The following SNAPC4 variants were observed in gnomAD, a reference collection of about 807,000 sequenced individuals.
SNAPC4 encodes the protein snRNA-activating protein complex subunit 4.
In SNAPC4, 127 loss-of-function variants were observed where a neutral mutation model predicts 151.3. That is an observed-to-expected ratio of 0.84 (90% CI 0.73 to 0.97). The LOEUF (loss-of-function observed/expected upper bound fraction) is 0.97, where lower values mean the gene tolerates loss of function less well. Ranked by LOEUF, SNAPC4 falls within the 50% of genes least tolerant of loss-of-function variation. The probability of loss-of-function intolerance (pLI) is 0.00; values close to 1 mark genes in which losing one functional copy is unlikely to be tolerated. For synonymous variants in SNAPC4, 1,002 were observed against 824.4 expected (o/e 1.22, Z -3.69); for missense variants, 2,186 against 1,935.0 (o/e 1.13, Z -2.43).
At chr9:136,391,781 G>A (rs1834082578) in intron 10 of SNAPC4, among the ~76,000 whole-genome samples, 161 bp downstream of exon 10, 1 of 152,226 alleles carries the variant, frequency 6.6e-6, no homozygotes, top group Non-Finnish European at 1.5e-5. Context: ...AGAGAGGGCT[G>A]GGCAGGCTCC....
At chr9:136,376,154 T>C (rs35670379) in intron 23 of SNAPC4, among the ~76,000 whole-genome samples, 195 bp downstream of exon 23, 65,614 of 152,052 alleles carry the variant, frequency 0.43, 14,324 homozygotes, top group Admixed American at 0.52. Context: ...GCCCGAGGCA[T>C]GGGTGGCCAG....
At chr9:136,377,224 G>A (rs936836005) in intron 22 of SNAPC4, among the ~76,000 whole-genome samples, 14 of 152,320 alleles carry the variant, frequency 9.2e-5, no homozygotes, top group African/African-American at 3.1e-4. Flanking sequence ...GCGGCTCAGA[G>A]CCGGGTCAGC....
At position 136,380,821 on chromosome 9, in the gene SNAPC4, C is replaced by T. The variant is rs772544275; in HGVS notation, c.2418G>A (p.Leu806=). The change falls in exon 20 of 24, where the codon TTG becomes TTA. Residue 806 remains leucine, a synonymous_variant. Transcript: ENST00000684778. ...GGGCCTTCCTCTCTCGGACGACCTC[C>T]AAGCAGCCGGCAGTATCGATGTGGA... ...QLFHIDTAGC[L]EVVRERKALP... is the part of the protein sequence containing the mutation. The T allele has an allele frequency of 5.0e-6, 8 of 1,611,152 alleles. No homozygotes were observed. Among genetic ancestry groups the T allele is most frequent in the African/African-American group, 1.3e-5 (1 of 74,900 alleles).
Position 136,377,532 on chromosome 9 carries a change from G to T in SNAPC4, c.4284+11C>A. 1 of 1,501,760 alleles carries T rather than the reference G, an allele frequency of 6.7e-7. No individual in the cohort carries two copies. Among genetic ancestry groups the T allele is most frequent in the Non-Finnish European group, 8.9e-7 (1 of 1,124,880 alleles). 93.0% of individuals were successfully genotyped at this position (1,501,760 alleles called of 1,614,324 possible). ...CTGCCATGGGGAAGTGGGGCTGGGCGCCCACCCTACCTGAATGGGGCATGT... is the reference window on the plus strand; with the variant it reads ...CTGCCATGGGGAAGTGGGGCTGGGCTCCCACCCTACCTGAATGGGGCATGT... On this transcript the variant is annotated intron_variant, in intron 22 of 23. Transcript: ENST00000684778.
intron 14 of SNAPC4, among the ~76,000 whole-genome samples, chr9:136,384,351 T>C (rs1239650673): frequency 1.3e-5 from 2 of 152,166 alleles, no homozygotes; most frequent in South Asian, 2.1e-4. Context: ...CTCTTCACAG[T>C]GTGGGGCAGC....
chr9:136,381,102 T>C (rs1234084404), intron 19 of SNAPC4, among the ~76,000 whole-genome samples: 1 of 152,144 alleles, frequency 6.6e-6, no homozygotes, highest in African/African-American at 2.4e-5. Flanking sequence ...GGGGACCCCC[T>C]TCCCCGGACA....
At position 136,381,942 on chromosome 9, in the gene SNAPC4, G is replaced by T; in HGVS notation, c.2199C>A (p.His733Gln). Reference protein sequence around the residue: ...ATQSGQRRWRHALHRRLLNRR... With the variant: ...ATQSGQRRWRQALHRRLLNRR... ...GGTTCAGGAGCCTCCGGTGCAGAGCGTGTCTCCAGCGCCGCTGCCCACTCT... is the reference window on the plus strand; with the variant it reads ...GGTTCAGGAGCCTCCGGTGCAGAGCTTGTCTCCAGCGCCGCTGCCCACTCT... The change falls in exon 18 of 24, where the codon CAC (histidine) becomes CAA (glutamine). Residue 733 changes from histidine (H) to glutamine (Q), a missense_variant. Physicochemically the swap from His to Gln is conservative, Grantham distance 24 (BLOSUM62 0). Transcript: ENST00000684778. The T allele has an allele frequency of 1.2e-6, 2 of 1,612,722 alleles. No homozygotes were observed. Among genetic ancestry groups the T allele is most frequent in the Non-Finnish European group, 8.5e-7 (1 of 1,179,984 alleles).
In SNAPC4 at chr9:136,379,058, G is replaced by T. The variant is rs1189843235; in HGVS notation, c.2769C>A (p.Val923=). Residue 923 remains valine, a synonymous_variant, in exon 22 of 24, where the codon GTC becomes GTA. Coordinates refer to ENST00000684778, the MANE Select transcript of SNAPC4 (RefSeq NM_003086.4). The part of the protein sequence containing the change: ...GPVVLPSQLL[V]SSSVILQPPL... Reference sequence around the variant, plus strand: ...GGGGCTGGAGGATCACAGACGAGGAGACCAGCAGCTGGGACGGGAGCACCA... The same window carrying T: ...GGGGCTGGAGGATCACAGACGAGGATACCAGCAGCTGGGACGGGAGCACCA... The T allele has an allele frequency of 1.9e-6, 3 of 1,587,894 alleles. No homozygotes were observed. The highest frequency in any genetic ancestry group is 2.6e-6 in the Non-Finnish European group (3 of 1,167,812).
chr9:136,397,037 A>T lies in SNAPC4; in HGVS notation c.131-14T>A. On this transcript the variant is annotated splice_polypyrimidine_tract_variant and intron_variant, in intron 2 of 23. Transcript: ENST00000684778. ...AAGGCAGTGAATCTGTCAGAAACAC[A>T]AGCAACACCGTGTTGGTAACCAGCG... 7 of 1,611,780 alleles carry T rather than the reference A, an allele frequency of 4.3e-6. No individual in the cohort carries two copies. In the South Asian group the frequency reaches 7.7e-5, roughly 18 times the overall value.
chr9:136,399,808 C>A (rs971386817), intron 1 of SNAPC4, among the ~76,000 whole-genome samples: 2 of 152,214 alleles, frequency 1.3e-5, no homozygotes, highest in African/African-American at 2.4e-5. Flanking sequence ...ACTGGGGAAA[C>A]CCCCTCCGAG....
At position 136,388,481 on chromosome 9, in the gene SNAPC4, C is replaced by T; in HGVS notation, c.1086G>A (p.Gln362=). Residue 362 remains glutamine, a synonymous_variant, in exon 11 of 24, where the codon CAG becomes CAA. Coordinates refer to ENST00000684778, the MANE Select transcript of SNAPC4 (RefSeq NM_003086.4). ...GGATGTGGCTGCCGACGCGCATCTC[C>T]TGCACCAGCTGCGTGAGCATGCGGT... ...EEDRMLTQLV[Q]EMRVGSHIPY... is the part of the protein sequence containing the mutation. 6.2e-7 allele frequency: 1 copy of T among 1,613,096 alleles called. No homozygotes were observed.
intron 7 of SNAPC4, 114 bp downstream of exon 7, chr9:136,394,135 C>G (rs371544326): frequency 2.9e-5 from 25 of 864,876 alleles, no homozygotes; most frequent in East Asian, 2.0e-4. Context: ...CCAGGCTGGG[C>G]TTGAACTGGG....
At chr9:136,381,561 G>T (rs751304891) in intron 18 of SNAPC4, among the ~76,000 whole-genome samples, 169 bp from the exon 19 acceptor site, 8 of 152,250 alleles carry the variant, frequency 5.3e-5, no homozygotes, top group Non-Finnish European at 1.2e-4. Flanking sequence ...GCCTGGACAA[G>T]GGTGGGCCCT....
intron 11 of SNAPC4, 45 bp from the exon 12 acceptor site, chr9:136,387,893 A>T: frequency 9.2e-7 from 1 of 1,082,508 alleles, no homozygotes; most frequent in Non-Finnish European, 1.4e-6. Flanking sequence ...CGAGACACAC[A>T]CCCTCCATAG....
rs746819680 is a variant in SNAPC4 at position 136,382,049 on chromosome 9, G to C, written c.2092C>G (p.Leu698Val). The change falls in exon 18 of 24, where the codon CTG (leucine) becomes GTG (valine). Residue 698 changes from leucine (L) to valine (V), a missense_variant. Coordinates refer to ENST00000684778, the MANE Select transcript of SNAPC4 (RefSeq NM_003086.4). ...TQKEQLRQPP[L>V]PTSSPGVSSG... ...CTGACCCCTGGGGATGAGGTGGGCA[G>C]GGGTGGCTGCCTCAGCTGCTCTTTC... 6.3e-7 allele frequency: 1 copy of C among 1,597,180 alleles called. No individual in the cohort carries two copies. Among genetic ancestry groups the C allele is most frequent in the East Asian group, 2.3e-5 (1 of 44,064 alleles).
At chr9:136,397,097 T>A (rs1834300457) in intron 2 of SNAPC4, 74 bp from the exon 3 acceptor site, 4 of 1,310,840 alleles carry the variant, frequency 3.1e-6, no homozygotes, top group Non-Finnish European at 4.4e-6. Flanking sequence ...TCACCACTGC[T>A]TCTTGGGCAG....
chr9:136,382,099 G>T, intron 17 of SNAPC4, 26 bp from the exon 18 acceptor site: 1 of 1,565,044 alleles, frequency 6.4e-7, no homozygotes, highest in South Asian at 1.2e-5. Flanking sequence ...AGCACCTGGG[G>T]CCCATGGCCA....
Position 136,383,782 on chromosome 9 carries a change from A to T in SNAPC4, c.1501-114T>A. On this transcript the variant is annotated intron_variant, in intron 15 of 23. Transcript: ENST00000684778. This position sits in a 1 kb window ranked among gnomAD's most constrained non-coding sequence, Gnocchi z 4.2. ...CCAAGCGGGGGCGCCTCCGGGGTCA[A>T]GAGCAGCCGCTGCCGAGGCAGGGTC... The T allele has an allele frequency of 2.1e-6, 3 of 1,422,572 alleles. No individual in the cohort carries two copies. In the South Asian group the frequency reaches 3.9e-5, roughly 18 times the overall value. The allele number at this position is 1,422,572 out of a possible 1,614,324, so 88.1% of individuals were successfully genotyped here.
rs1011574190 is a variant in SNAPC4, at chr9:136,384,668, G to A, written c.1420+52C>T. 9 of 990,126 alleles carry A rather than the reference G, an allele frequency of 9.1e-6. No homozygotes were observed. The Admixed American group carries it at 9.3e-5, about 10-fold the overall frequency. 61.3% of individuals were successfully genotyped at this position (990,126 alleles called of 1,614,324 possible). A position where few individuals can be genotyped will look rare whatever the true frequency, so the allele number is the denominator to read the frequency against. On this transcript the variant is annotated intron_variant, in intron 14 of 23. Transcript: ENST00000684778. ...GTCTTTATCTTGATCTCTTTTCTAA[G>A]AAACAAAAAACAAAAAAAAGAAACT...
Sources: gnomAD v4.1 joint callset for allele counts (sites outside exome capture counted in the v4.1 genomes callset) on GRCh38, gnomAD v4.1.1 for gene constraint, Gnocchi (gnomAD v3.1) non-coding constraint, MANE v1.5 for transcripts, NCBI Gene and HGNC (gene_info 2026-07-23, HGNC 2026-07-21) for gene names.